Variants in ITPA observed in about 807,000 individuals in gnomAD.
ITPA encodes inosine triphosphate pyrophosphatase.
In ITPA, 29 loss-of-function variants were observed where a neutral mutation model predicts 29.6. The observed-to-expected ratio is 0.98, with a 90% CI of 0.73 to 1.34. The LOEUF (loss-of-function observed/expected upper bound fraction) is 1.34, where lower values mean the gene tolerates loss of function less well. Among genes scored for constraint, ITPA ranks in the 40% most tolerant of loss-of-function variants. The probability of loss-of-function intolerance (pLI) is 0.00; values close to 1 mark genes in which losing one functional copy is unlikely to be tolerated. For synonymous variants in ITPA, 103 were observed against 99.3 expected, an observed-to-expected ratio of 1.04 and a Z score of -0.22; for missense variants, 241 against 251.5, an observed-to-expected ratio of 0.96 and a Z score of 0.28.
At position 3,209,595 on chromosome 20, in the gene ITPA, G is replaced by A. The variant is rs753934298; in HGVS notation, c.44G>A (p.Gly15Glu). Reference sequence around the variant, plus strand: ...GGGAAGAAGATCGTGTTTGTAACGGGGAACGCCAAGAAGCTGGAGGAGGTG... The same window carrying A: ...GGGAAGAAGATCGTGTTTGTAACGGAGAACGCCAAGAAGCTGGAGGAGGTG... Reference protein sequence around the residue: ...LVGKKIVFVTGNAKKLEEVVQ... With the variant: ...LVGKKIVFVTENAKKLEEVVQ... Residue 15 changes from glycine to glutamate, a missense_variant, in exon 1 of 8, where the codon GGG (glycine) becomes GAG (glutamate). Transcript: ENST00000380113. This position sits in a 1 kb window ranked among gnomAD's most constrained non-coding sequence, Gnocchi z 4.6. 6 of 1,614,136 alleles carry A rather than the reference G, an allele frequency of 3.7e-6. No homozygotes were observed. Among genetic ancestry groups the A allele is most frequent in the Non-Finnish European group, 4.2e-6 (5 of 1,180,018 alleles).
chr20:3,220,776 G>C (rs955919252), intron 6 of ITPA, among the ~76,000 whole-genome samples: 1 of 151,094 alleles, frequency 6.6e-6, no homozygotes, highest in Non-Finnish European at 1.5e-5. Flanking sequence ...GACTGGTCTC[G>C]AACTCCTGGG....
chr20:3,222,515 G>C (rs1168828918), intron 7 of ITPA, among the ~76,000 whole-genome samples: 2 of 152,170 alleles, frequency 1.3e-5, no homozygotes, highest in Non-Finnish European at 2.9e-5. Context: ...GGCCACATCT[G>C]ACAGTTTTAT....
intron 6 of ITPA, among the ~76,000 whole-genome samples, chr20:3,220,140 G>A (rs1317286128): frequency 1.3e-5 from 2 of 150,836 alleles, no homozygotes; most frequent in African/African-American, 2.4e-5. Context: ...CACTGCTCAC[G>A]ACAGCCTCCA....
downstream of ITPA, among the ~76,000 whole-genome samples, chr20:3,226,848 T>C (rs935784410): frequency 2.6e-5 from 4 of 152,064 alleles, no homozygotes; most frequent in South Asian, 4.1e-4. The surrounding 1 kb of genome is among the most constrained non-coding windows in gnomAD (Gnocchi z 4.4). Context: ...TCGGCTGCCA[T>C]TGGGAGACCC....
Position 3,223,410 on chromosome 20 carries a change from G to A in ITPA, c.533G>A (p.Arg178His), listed in dbSNP as rs1230934159. The change falls in exon 8 of 8, where the codon CGC becomes CAC. Residue 178 changes from arginine to histidine, a missense_variant. By Grantham distance (29) the Arg-to-His change is conservative. Coordinates refer to ENST00000380113, the MANE Select transcript of ITPA (RefSeq NM_033453.4). ...PKAEKNAVSH[R>H]FRALLELQEY... ...GCGGAGAAGAACGCTGTCTCCCATCGCTTCCGGGCCCTGCTGGAGCTGCAG... is the reference window on the plus strand; with the variant it reads ...GCGGAGAAGAACGCTGTCTCCCATCACTTCCGGGCCCTGCTGGAGCTGCAG... The A allele has an allele frequency of 5.0e-6, 8 of 1,613,886 alleles. No homozygotes were observed. Among genetic ancestry groups the A allele is most frequent in the Non-Finnish European group, 6.8e-6 (8 of 1,179,992 alleles).
upstream of ITPA, among the ~76,000 whole-genome samples, chr20:3,205,771 C>T (rs1335908798): frequency 2.6e-5 from 4 of 152,008 alleles, no homozygotes; most frequent in African/African-American, 7.3e-5. Flanking sequence ...TGAAAAAATA[C>T]GGGCCAGATG....
intron 7 of ITPA, among the ~76,000 whole-genome samples, chr20:3,223,002 G>A (rs747606588): frequency 3.9e-5 from 6 of 152,178 alleles, no homozygotes; most frequent in Non-Finnish European, 8.8e-5. Flanking sequence ...CGCCCTCAGC[G>A]CATGAGAGGA....
At chr20:3,206,444 A>G (rs924581532), upstream of ITPA, among the ~76,000 whole-genome samples, 4 of 147,586 alleles carry the variant, frequency 2.7e-5, no homozygotes, top group African/African-American at 1.0e-4. Flanking sequence ...TACAATCCCA[A>G]CCAACACTTT....
chr20:3,214,096 C>T, intron 4 of ITPA, 38 bp downstream of exon 4: 1 of 1,576,462 alleles, frequency 6.3e-7, no homozygotes, highest in Non-Finnish European at 8.7e-7. Flanking sequence ...GGGCGTCAGG[C>T]CCAAAACCAC....
upstream of ITPA, among the ~76,000 whole-genome samples, chr20:3,207,295 T>C (rs2067078457): frequency 6.6e-6 from 1 of 152,166 alleles, no homozygotes; most frequent in Non-Finnish European, 1.5e-5. Flanking sequence ...TTCACCATGT[T>C]GTCTAGGCTT....
chr20:3,209,578 G>T lies in ITPA; in HGVS notation c.27G>T (p.Lys9Asn). Residue 9 changes from lysine to asparagine, a missense_variant, in exon 1 of 8, where the codon AAG becomes AAT. Lys to Asn is a moderately conservative substitution (Grantham distance 94). Transcript: ENST00000380113. This position sits in a 1 kb window ranked among gnomAD's most constrained non-coding sequence, Gnocchi z 4.6. ...TGGCGGCCTCATTGGTGGGGAAGAA[G>T]ATCGTGTTTGTAACGGGGAACGCCA... is the stretch of plus-strand genomic sequence containing the variant. MAASLVGK[K>N]IVFVTGNAKK... is the part of the protein sequence containing the mutation. 1 of 1,614,142 alleles carries T rather than the reference G, an allele frequency of 6.2e-7. No individual in the cohort carries two copies. The highest frequency in any genetic ancestry group is 1.1e-5 in the South Asian group (1 of 91,086).
chr20:3,221,561 A>G (rs1219394528), intron 6 of ITPA, among the ~76,000 whole-genome samples: 1 of 128,356 alleles, frequency 7.8e-6, no homozygotes, highest in Non-Finnish European at 1.7e-5. Flanking sequence ...TGATGTCCCA[A>G]TTTGTCCCGG....
In ITPA at chr20:3,209,670, G is replaced by A; in HGVS notation, c.66+53G>A. ...GGGAGGCGGCTGGGAATAGGGCGGAGAAGGGGCTTCCGGGAGGAGGGAAGC... is the reference window on the plus strand; with the variant it reads ...GGGAGGCGGCTGGGAATAGGGCGGAAAAGGGGCTTCCGGGAGGAGGGAAGC... On this transcript the variant is annotated intron_variant, in intron 1 of 7. Coordinates refer to ENST00000380113, the MANE Select transcript of ITPA (RefSeq NM_033453.4). This position sits in a 1 kb window ranked among gnomAD's most constrained non-coding sequence, Gnocchi z 4.6. 2.0e-6 allele frequency: 3 copies of A among 1,495,038 alleles called. No homozygotes were observed. Among genetic ancestry groups the A allele is most frequent in the Non-Finnish European group, 1.9e-6 (2 of 1,073,704 alleles). 92.6% of individuals were successfully genotyped at this position (1,495,038 alleles called of 1,614,324 possible). A position where few individuals can be genotyped will look rare whatever the true frequency, so the allele number is the denominator to read the frequency against.
At chr20:3,216,213 G>A (rs2067294621) in intron 5 of ITPA, among the ~76,000 whole-genome samples, 1 of 146,656 alleles carries the variant, frequency 6.8e-6, no homozygotes, top group African/African-American at 2.6e-5. Flanking sequence ...AGGCTGGAGT[G>A]CAGTGGCATG....
At position 3,213,343 on chromosome 20, in the gene ITPA, A is replaced by G; in HGVS notation, c.149A>G (p.Asp50Gly). The change falls in exon 3 of 8, where the codon GAT becomes GGT. Residue 50 changes from aspartate (D) to glycine (G), a missense_variant. Coordinates refer to ENST00000380113, the MANE Select transcript of ITPA (RefSeq NM_033453.4). ...GTGCCGGAGTACCAGGGGGAGCCGG[A>G]TGAGATTTCCATACAGAAATGTCAG... ...IDLPEYQGEPDEISIQKCQEA... is the reference protein window; with the variant it reads ...IDLPEYQGEPGEISIQKCQEA... 1 of 1,614,126 alleles carries G rather than the reference A, an allele frequency of 6.2e-7. No homozygotes were observed. Among genetic ancestry groups the G allele is most frequent in the Admixed American group, 1.7e-5 (1 of 60,006 alleles).
At chr20:3,218,751 CTG>C (rs1189700134) in intron 6 of ITPA, 119 bp downstream of exon 6, 5 of 739,136 alleles carry the variant, frequency 6.8e-6, no homozygotes, top group Non-Finnish European at 1.2e-5. Flanking sequence ...CCAGAGATAT[CTG>C]TGCCTTGCTG....
At chr20:3,216,493 G>A (rs1255307044) in intron 5 of ITPA, among the ~76,000 whole-genome samples, 10 of 137,988 alleles carry the variant, frequency 7.2e-5, no homozygotes, top group Non-Finnish European at 1.1e-4. Flanking sequence ...CACTCTTGTT[G>A]CCCAGGCTGG....
chr20:3,218,221 A>G (rs1409154027), intron 5 of ITPA, among the ~76,000 whole-genome samples: 1 of 152,180 alleles, frequency 6.6e-6, no homozygotes, highest in Non-Finnish European at 1.5e-5. Context: ...CCCGGCCTAC[A>G]GTTGGTTAGT....
downstream of ITPA, among the ~76,000 whole-genome samples, chr20:3,224,606 T>G (rs1446766078): frequency 1.3e-5 from 2 of 152,250 alleles, no homozygotes; most frequent in East Asian, 3.9e-4. Context: ...GCTGCGTCCC[T>G]GCCCAGCCTC....
Sources: gnomAD v4.1 joint callset for allele counts (sites outside exome capture counted in the v4.1 genomes callset) on GRCh38, gnomAD v4.1.1 for gene constraint, Gnocchi (gnomAD v3.1) non-coding constraint, MANE v1.5 for transcripts, NCBI Gene and HGNC (gene_info 2026-07-23, HGNC 2026-07-21) for gene names.